Variants in MAP3K4 observed in about 807,000 individuals in gnomAD.
The protein encoded by MAP3K4 is mitogen-activated protein kinase kinase kinase 4, also known as MAP three kinase 1.
In MAP3K4, 67 loss-of-function variants were observed where a neutral mutation model predicts 185.6. The ratio of observed to expected loss-of-function variants is 0.36; its 90% CI spans 0.30 to 0.44. MAP3K4 has a LOEUF of 0.44. MAP3K4 is among the 20% of genes least tolerant of loss of function. The pLI, the probability that MAP3K4 is intolerant of heterozygous loss-of-function variation, is 1.00. For synonymous variants in MAP3K4, 702 were observed against 710.4 expected (o/e 0.99, Z 0.19); for missense variants, 1,551 against 1,995.1 (o/e 0.78, Z 4.24).
In MAP3K4 at chr6:161,093,848, C is replaced by A; in HGVS notation, c.3424C>A (p.Leu1142Ile). 2 of 1,608,884 alleles carry A rather than the reference C, an allele frequency of 1.2e-6. No homozygotes were observed. The highest frequency in any genetic ancestry group is 1.7e-6 in the Non-Finnish European group (2 of 1,176,314). Residue 1142 changes from leucine (L) to isoleucine (I), a missense_variant, in exon 15 of 27, where the codon CTT becomes ATT. Leu to Ile is a conservative substitution (Grantham distance 5). Coordinates refer to ENST00000392142, the MANE Select transcript of MAP3K4 (RefSeq NM_005922.4). This position sits in a 1 kb window ranked among gnomAD's most constrained non-coding sequence, Gnocchi z 5.2. The part of the protein sequence containing the change: ...KPHSPVTGLY[L>I]AIHRNSPRPM... The stretch of plus-strand genomic sequence containing the variant: ...ACACAGTCCTGTTACAGGTTTGTAC[C>A]TTGGTAAGACAGCCGTTAACAGCAT...
At position 161,007,039 on chromosome 6, in the gene MAP3K4, C is replaced by A. The variant is rs1386849542; in HGVS notation, c.152+14956C>A. Among the ~76,000 whole-genome samples, 1 of 152,166 alleles carries A rather than the reference C, an allele frequency of 6.6e-6. No homozygotes were observed. Among genetic ancestry groups the A allele is most frequent in the African/African-American group, 2.4e-5 (1 of 41,436 alleles). On this transcript the variant is annotated intron_variant, in intron 1 of 26. Coordinates refer to ENST00000392142, the MANE Select transcript of MAP3K4 (RefSeq NM_005922.4). This position sits in a 1 kb window ranked among gnomAD's most constrained non-coding sequence, Gnocchi z 4.5. ...AACCAGCAACAGAAATAAAGCAAAT[C>A]TCAGAGTAAAAATCAGTTCCTTACT...
At chr6:161,090,521 T>G (rs879534891) in intron 11 of MAP3K4, among the ~76,000 whole-genome samples, 33 of 132,586 alleles carry the variant, frequency 2.5e-4, no homozygotes, top group African/African-American at 8.7e-4. Flanking sequence ...CGTGGAGGGC[T>G]GTCCTGCGCA....
Position 161,051,368 on chromosome 6 carries a change from C to T in MAP3K4, c.1707+1389C>T, listed in dbSNP as rs112295619. Among the ~76,000 whole-genome samples the T allele has an allele frequency of 2.6e-5, 4 of 152,116 alleles. No homozygotes were observed. The highest frequency in any genetic ancestry group is 3.9e-4 in the East Asian group (2 of 5,172). On this transcript the variant is annotated intron_variant, in intron 3 of 26. Coordinates refer to ENST00000392142, the MANE Select transcript of MAP3K4 (RefSeq NM_005922.4). The surrounding 1 kb of genome is among the most constrained non-coding windows in gnomAD (Gnocchi z 4.2). ...GATTTTAATTTTTTATTCTGACAGC[C>T]GGATTATGAGCCCTTAGGAGGAACG...
chr6:160,993,914 G>A (rs1215329963), intron 1 of MAP3K4, among the ~76,000 whole-genome samples: 1 of 152,110 alleles, frequency 6.6e-6, no homozygotes, highest in Non-Finnish European at 1.5e-5. Flanking sequence ...CTGTAAAACA[G>A]ATTACTTGAC....
intron 1 of MAP3K4, among the ~76,000 whole-genome samples, chr6:161,015,834 C>T (rs117560579): frequency 6.1e-3 from 934 of 152,264 alleles, no homozygotes; most frequent in Middle Eastern, 0.014. Flanking sequence ...TGACACCAGA[C>T]TCCTCCCATT....
At chr6:161,016,208 T>C (rs1259198645) in intron 1 of MAP3K4, among the ~76,000 whole-genome samples, 1 of 152,212 alleles carries the variant, frequency 6.6e-6, no homozygotes, top group Non-Finnish European at 1.5e-5. Flanking sequence ...TTTTTGTCTT[T>C]TTAAAATTGA....
In MAP3K4 at chr6:161,049,704, A is replaced by G. The variant is rs1783912885; in HGVS notation, c.1432A>G (p.Ile478Val). 1.9e-6 allele frequency: 3 copies of G among 1,614,174 alleles called. No individual in the cohort carries two copies. Among genetic ancestry groups the G allele is most frequent in the Admixed American group, 1.7e-5 (1 of 60,016 alleles). Reference sequence around the variant, plus strand: ...TAGGGTACCGGAAATCAGACAGCCCATAGATAACAGCTTCGACATCCAGTC... The same window carrying G: ...TAGGGTACCGGAAATCAGACAGCCCGTAGATAACAGCTTCGACATCCAGTC... ...DPRVPEIRQP[I>V]DNSFDIQSRD... Residue 478 changes from isoleucine to valine, a missense_variant, in exon 3 of 27, where the codon ATA (isoleucine) becomes GTA (valine). By Grantham distance (29) the Ile-to-Val change is conservative. Transcript: ENST00000392142. The surrounding 1 kb of genome is among the most constrained non-coding windows in gnomAD (Gnocchi z 8.4).
intron 3 of MAP3K4, among the ~76,000 whole-genome samples, chr6:161,066,602 A>G (rs1406548495): frequency 6.6e-6 from 1 of 152,106 alleles, no homozygotes; most frequent in Non-Finnish European, 1.5e-5. Context: ...CCTGTTTTCT[A>G]CATTAAATCG....
intron 23 of MAP3K4, among the ~76,000 whole-genome samples, chr6:161,111,359 T>G (rs930158906): frequency 6.6e-6 from 1 of 152,372 alleles, no homozygotes; most frequent in South Asian, 2.1e-4. Flanking sequence ...TAGGAATATT[T>G]GAAAATTGCA....
Position 161,086,236 on chromosome 6 carries a change from A to G in MAP3K4, c.2373-143A>G, listed in dbSNP as rs1785706999. 1.9e-6 allele frequency: 1 copy of G among 513,190 alleles called. No homozygotes were observed. The highest frequency in any genetic ancestry group is 3.4e-6 in the Non-Finnish European group (1 of 291,054). 31.8% of individuals were successfully genotyped at this position (513,190 alleles called of 1,614,324 possible). On this transcript the variant is annotated intron_variant, in intron 7 of 26. Coordinates refer to ENST00000392142, the MANE Select transcript of MAP3K4 (RefSeq NM_005922.4). The surrounding 1 kb of genome is among the most constrained non-coding windows in gnomAD (Gnocchi z 4.8). ...TGAATGTTTTGACTACATCTTCAAT[A>G]ATAGTTTGTTCCCATTTAAAAAATC...
Position 161,076,988 on chromosome 6 carries a change from G to A in MAP3K4, c.2097+3376G>A, listed in dbSNP as rs1054091165. ...AGGTCTTTTGTGGACTGGTTAATTC[G>A]ATTCAACTTTTTGTGGAGGTCAGGC... On this transcript the variant is annotated intron_variant, in intron 5 of 26. Transcript: ENST00000392142. This position sits in a 1 kb window ranked among gnomAD's most constrained non-coding sequence, Gnocchi z 4.2. Among the ~76,000 whole-genome samples, 8 of 152,146 alleles carry A rather than the reference G, an allele frequency of 5.3e-5. No homozygotes were observed. The highest frequency in any genetic ancestry group is 1.2e-4 in the African/African-American group (5 of 41,426).
At chr6:161,050,404 C>T (rs1056728460) in intron 3 of MAP3K4, among the ~76,000 whole-genome samples, 12 of 152,284 alleles carry the variant, frequency 7.9e-5, no homozygotes, top group Non-Finnish European at 1.6e-4. Context: ...AAGTTGTTTT[C>T]TCTCTTTTGA....
intron 1 of MAP3K4, among the ~76,000 whole-genome samples, chr6:160,992,652 T>A (rs1780787318): frequency 6.6e-6 from 1 of 152,190 alleles, no homozygotes; most frequent in South Asian, 2.1e-4. Context: ...CCCCTTACTG[T>A]CCTTTAGTGC....
intron 3 of MAP3K4, among the ~76,000 whole-genome samples, chr6:161,060,240 A>G (rs1784424748): frequency 6.6e-6 from 1 of 152,134 alleles, no homozygotes; most frequent in Admixed American, 6.5e-5. Context: ...TTCCTCACCT[A>G]TTATATGGTT....
chr6:161,092,084 C>T lies in MAP3K4; in HGVS notation c.3210C>T (p.Ala1070=). 1 of 1,613,696 alleles carries T rather than the reference C, an allele frequency of 6.2e-7. No individual in the cohort carries two copies. The highest frequency in any genetic ancestry group is 8.5e-7 in the Non-Finnish European group (1 of 1,179,836). Residue 1070 remains alanine (A), a synonymous_variant, in exon 13 of 27, where the codon GCC becomes GCT. Transcript: ENST00000392142. ...QKIGDKYISF[A]RKWMNYVLTK... ...TAGGAGACAAATATATAAGCTTTGC[C>T]CGGAAGTGGATGAATTATGTCCTGA...
chr6:161,063,313 A>C lies in MAP3K4; in HGVS notation c.1708-7295A>C, dbSNP rs1784561311. 6.6e-6 allele frequency among the ~76,000 whole-genome samples: 1 copy of C among 151,932 alleles called. No individual in the cohort carries two copies. ...TCTACAATTCTCATCTGCTTAGTGG[A>C]CATATCTTTCTGGCAAGCGCTCACT... On this transcript the variant is annotated intron_variant, in intron 3 of 26. Coordinates refer to ENST00000392142, the MANE Select transcript of MAP3K4 (RefSeq NM_005922.4). This position sits in a 1 kb window ranked among gnomAD's most constrained non-coding sequence, Gnocchi z 5.4.
Position 161,103,011 on chromosome 6 carries a change from A to T in MAP3K4, c.3856+232A>T, listed in dbSNP as rs958655720. Reference sequence around the variant, plus strand: ...CTCCTTTGGGTCTATAATATGTTTTACTCATCTTTATATTCTTAAAGCAAC... The same window carrying T: ...CTCCTTTGGGTCTATAATATGTTTTTCTCATCTTTATATTCTTAAAGCAAC... On this transcript the variant is annotated intron_variant, in intron 19 of 26. Transcript: ENST00000392142. This position sits in a 1 kb window ranked among gnomAD's most constrained non-coding sequence, Gnocchi z 4.6. Among the ~76,000 whole-genome samples the T allele has an allele frequency of 5.9e-5, 9 of 152,150 alleles. No individual in the cohort carries two copies.
rs115428889 is a variant in MAP3K4 at position 161,033,314 on chromosome 6, C to T, written c.153-945C>T. Reference sequence around the variant, plus strand: ...TTTGGAAAGAATTTCATGATTGATTCCTTCTGTTTCACTTTTTAAGAATTG... The same window carrying T: ...TTTGGAAAGAATTTCATGATTGATTTCTTCTGTTTCACTTTTTAAGAATTG... On this transcript the variant is annotated intron_variant, in intron 1 of 26. Coordinates refer to ENST00000392142, the MANE Select transcript of MAP3K4 (RefSeq NM_005922.4). Among the ~76,000 whole-genome samples the T allele has an allele frequency of 1.9e-3, 287 of 152,148 alleles. 1 individual carries two copies. Among genetic ancestry groups the T allele is most frequent in the African/African-American group, 6.8e-3 (283 of 41,514 alleles).
At chr6:161,065,556 T>C (rs1344726635) in intron 3 of MAP3K4, among the ~76,000 whole-genome samples, 4 of 152,254 alleles carry the variant, frequency 2.6e-5, no homozygotes, top group Admixed American at 2.0e-4. Context: ...TATCATCATA[T>C]AGTTGTATCT....
Sources: allele counts gnomAD v4.1 joint callset (sites outside exome capture counted in the v4.1 genomes callset), GRCh38; gene constraint gnomAD v4.1.1; non-coding constraint Gnocchi (gnomAD v3.1); transcripts MANE v1.5; gene names NCBI Gene and HGNC (gene_info 2026-07-23, HGNC 2026-07-21).